MREG: variants seen among roughly 807,000 people sequenced by gnomAD.
The protein encoded by MREG is dilute suppressor protein homolog.
In MREG, 31 loss-of-function variants were observed where a neutral mutation model predicts 28.5. That is an observed-to-expected ratio of 1.09 (90% CI 0.82 to 1.47). The LOEUF (loss-of-function observed/expected upper bound fraction) is 1.47, where lower values mean the gene tolerates loss of function less well. MREG is among the 40% of genes most tolerant of loss of function. The probability of loss-of-function intolerance (pLI) is 0.00; values close to 1 mark genes in which losing one functional copy is unlikely to be tolerated. For synonymous variants in MREG, 106 were observed against 95.2 expected, an observed-to-expected ratio of 1.11 and a Z score of -0.66; for missense variants, 256 against 257.4, an observed-to-expected ratio of 0.99 and a Z score of 0.04.
At chr2:215,982,335 C>CA (rs35108598) in intron 2 of MREG, among the ~76,000 whole-genome samples, 91,275 of 135,596 alleles carry the variant, frequency 0.67, 30,592 homozygotes, top group Non-Finnish European at 0.76. Context: ...AAAACTCCGT[C>CA]AAAAAAAAAA....
rs543910223 is a variant in MREG, at chr2:215,998,417, T to C, written c.96-1952A>G. Among the ~76,000 whole-genome samples the C allele has an allele frequency of 1.6e-4, 25 of 152,168 alleles. No homozygotes were observed. In the South Asian group the frequency reaches 5.2e-3, roughly 32 times the overall value. ...TGGGACAGAATCTTGGAACCAAGGC[T>C]AGCAGGAGACCAGCTACCTGAATCA... On this transcript the variant is annotated intron_variant, in intron 1 of 4. Coordinates refer to ENST00000263268, the MANE Select transcript of MREG (RefSeq NM_018000.3).
At chr2:215,948,827 T>C (rs1692388423) in intron 2 of MREG, among the ~76,000 whole-genome samples, 1 of 152,126 alleles carries the variant, frequency 6.6e-6, no homozygotes, top group Admixed American at 6.5e-5. Context: ...ATTGGCTTAT[T>C]GTGAGGATCA....
downstream of MREG, among the ~76,000 whole-genome samples, chr2:215,940,793 C>T (rs756352726): frequency 6.6e-6 from 1 of 152,086 alleles, no homozygotes; most frequent in Non-Finnish European, 1.5e-5. Context: ...CAACAAAAGC[C>T]TCAGCCAACC....
intron 1 of MREG, among the ~76,000 whole-genome samples, chr2:216,019,461 ACT>A (rs963799156): frequency 3.3e-5 from 5 of 149,298 alleles, no homozygotes; most frequent in African/African-American, 1.2e-4. Context: ...CTGTCCTATC[ACT>A]CTGTCGTTTC....
chr2:216,013,572 CTT>C (rs974796838), upstream of MREG: 33 of 160,840 alleles, frequency 2.1e-4, no homozygotes, highest in African/African-American at 7.4e-4. Context: ...TTTTTCCCCT[CTT>C]TTAATTCCCC....
intron 1 of MREG, 65 bp downstream of exon 1, chr2:216,013,156 GCACACAGGTGTC>G: frequency 7.7e-7 from 1 of 1,298,726 alleles, no homozygotes; most frequent in Non-Finnish European, 1.1e-6. Context: ...ACTCACACAA[GCACACAGGTGTC>G]CACACTCTCG....
intron 1 of MREG, among the ~76,000 whole-genome samples, chr2:215,998,325 A>G (rs1693927256): frequency 6.7e-6 from 1 of 149,176 alleles, no homozygotes; most frequent in Non-Finnish European, 1.5e-5. Context: ...AAAAAAAATA[A>G]TAATAATAAT....
chr2:215,971,961 C>G (rs368206997), intron 2 of MREG, among the ~76,000 whole-genome samples: 1 of 152,170 alleles, frequency 6.6e-6, no homozygotes, highest in East Asian at 1.9e-4. Context: ...TCCCGGCACC[C>G]GCAGTTAGTT....
intron 1 of MREG, among the ~76,000 whole-genome samples, chr2:216,012,837 C>T (rs1172395962): frequency 6.6e-6 from 1 of 152,250 alleles, no homozygotes; most frequent in Middle Eastern, 3.4e-3. Context: ...AACTTTTTTG[C>T]TGAGTGGCAC....
intron 1 of MREG, among the ~76,000 whole-genome samples, chr2:216,029,414 G>A (rs1007850594): frequency 2.0e-5 from 3 of 152,098 alleles, no homozygotes; most frequent in Non-Finnish European, 4.4e-5. Context: ...GGAGGTAGAG[G>A]TTGCAGTGAG....
downstream of MREG, chr2:215,941,724 T>A (rs1353220422): frequency 6.6e-6 from 1 of 152,244 alleles, no homozygotes; most frequent in Non-Finnish European, 1.5e-5. Context: ...TGATCACCCA[T>A]CCTTGAGGTC....
intron 2 of MREG, among the ~76,000 whole-genome samples, chr2:215,977,189 A>G (rs1229721675): frequency 6.6e-6 from 1 of 152,242 alleles, no homozygotes; most frequent in Non-Finnish European, 1.5e-5. Flanking sequence ...AGGAAGATCT[A>G]CAAAGCAAAT....
At chr2:216,018,923 G>A (rs1402663067) in intron 1 of MREG, among the ~76,000 whole-genome samples, 1 of 152,138 alleles carries the variant, frequency 6.6e-6, no homozygotes, top group Non-Finnish European at 1.5e-5. Context: ...AAATTGACAT[G>A]TGACCAAGAT....
chr2:215,948,299 T>A (rs1692374081), intron 2 of MREG, among the ~76,000 whole-genome samples: 1 of 152,242 alleles, frequency 6.6e-6, no homozygotes, highest in Non-Finnish European at 1.5e-5. Flanking sequence ...GCATTTTAGA[T>A]CTTGAATCTG....
downstream of MREG, among the ~76,000 whole-genome samples, chr2:215,940,390 A>G (rs1291013296): frequency 2.6e-5 from 4 of 152,238 alleles, no homozygotes; most frequent in African/African-American, 9.6e-5. Context: ...GAGGAAATGA[A>G]TAAATACATT....
At chr2:216,031,755 T>A (rs1299073260) in intron 1 of MREG, among the ~76,000 whole-genome samples, 1 of 151,334 alleles carries the variant, frequency 6.6e-6, no homozygotes, top group African/African-American at 2.4e-5. Context: ...TTTACCCCAA[T>A]TCCCCTAATG....
At chr2:216,015,117 A>ACGCGTGTGTGTGCG (rs1559200129), upstream of MREG, among the ~76,000 whole-genome samples, 2 of 57,214 alleles carry the variant, frequency 3.5e-5, no homozygotes, top group Admixed American at 4.1e-4. Flanking sequence ...GTGTGTGTGC[A>ACGCGTGTGTGTGCG]CGCGTGTGTG....
intron 2 of MREG, among the ~76,000 whole-genome samples, chr2:215,975,571 T>C (rs556546556): frequency 2.3e-4 from 35 of 152,326 alleles, no homozygotes; most frequent in African/African-American, 7.9e-4. Context: ...CCACATCCCA[T>C]GGGCTCAGCC....
chr2:215,951,214 T>G (rs1692475274), intron 2 of MREG, among the ~76,000 whole-genome samples: 2 of 152,192 alleles, frequency 1.3e-5, no homozygotes, highest in African/African-American at 4.8e-5. Flanking sequence ...AACAAGCTAA[T>G]ACAGATCGAA....
Sources: allele counts gnomAD v4.1 joint callset (sites outside exome capture counted in the v4.1 genomes callset), GRCh38; gene constraint gnomAD v4.1.1; transcripts MANE v1.5; gene names NCBI Gene and HGNC (gene_info 2026-07-23, HGNC 2026-07-21).